NEK10: variants seen among roughly 807,000 people sequenced by gnomAD.
NEK10 encodes serine/threonine-protein kinase Nek10.
Under a neutral mutation model 159.8 loss-of-function variants are expected in NEK10, and 122 were observed. The ratio of observed to expected loss-of-function variants is 0.76; its 90% confidence interval spans 0.66 to 0.89. The LOEUF is 0.89. NEK10 is among the 40% of genes least tolerant of loss of function. The pLI, the probability that NEK10 is intolerant of heterozygous loss-of-function variation, is 0.00. For synonymous variants in NEK10, 466 were observed against 457.1 expected (o/e 1.02, Z -0.25); for missense variants, 1,342 against 1,323.1 (o/e 1.01, Z -0.22).
rs376814008 is a variant in NEK10 at position 27,320,132 on chromosome 3, C to T, written c.447+2045G>A. 8.5e-5 allele frequency among the ~76,000 whole-genome samples: 13 copies of T among 152,202 alleles called. No individual in the cohort carries two copies. The South Asian group carries it at 1.7e-3, about 20-fold the overall frequency. On this transcript the variant is annotated intron_variant, in intron 6 of 35. Coordinates refer to ENST00000691995, the MANE Select transcript of NEK10 (RefSeq NM_001394966.1). ...AGGGAGGACAGACTCGGAGATAATT[C>T]CCTTCTATGGAAAGGCTGGCCAGCA... is the stretch of plus-strand genomic sequence containing the variant.
chr3:27,347,878 G>A (rs566194062), intron 3 of NEK10, among the ~76,000 whole-genome samples: 1 of 152,024 alleles, frequency 6.6e-6, no homozygotes, highest in Non-Finnish European at 1.5e-5. Flanking sequence ...CAATCTCTCT[G>A]TGCATCAGTT....
chr3:27,142,508 TA>T lies in NEK10; in HGVS notation c.2870-927del, dbSNP rs529203992. On this transcript the variant is annotated intron_variant, in intron 30 of 35. Transcript: ENST00000691995. ...AAAACTTCTCTTGCTAATTTCCTTT[TA>T]AAAAAAAAAAAAAGATGAAAGTTCC... Among the ~76,000 whole-genome samples, 1,109 of 142,568 alleles carry T rather than the reference TA, an allele frequency of 7.8e-3. 5 individuals carry two copies. The highest frequency in any genetic ancestry group is 0.015 in the African/African-American group (586 of 39,220). The allele number at this position is 142,568 out of a possible 152,430, so 93.5% of individuals were successfully genotyped here.
intron 32 of NEK10, among the ~76,000 whole-genome samples, chr3:27,129,921 GT>G (rs1224278493): frequency 2.6e-5 from 4 of 150,966 alleles, no homozygotes; most frequent in Non-Finnish European, 4.4e-5. Flanking sequence ...ATTTTTTTCA[GT>G]TTGGTGGTAA....
At chr3:27,223,263 C>G (rs776072151) in intron 23 of NEK10, among the ~76,000 whole-genome samples, 25 of 152,136 alleles carry the variant, frequency 1.6e-4, no homozygotes, top group Admixed American at 9.2e-4. Flanking sequence ...AAACAAGGAT[C>G]GTCAAGTCTC....
In NEK10 at chr3:27,337,030, C is replaced by A. The variant is rs1603052; in HGVS notation, c.362+7242G>T. ...AGAAATAAAAGGCATACACATTTGGCGGGGGGGAAAGGAAGATGTACCTCT... is the reference window on the plus strand; with the variant it reads ...AGAAATAAAAGGCATACACATTTGGAGGGGGGGAAAGGAAGATGTACCTCT... On this transcript the variant is annotated intron_variant, in intron 5 of 35. Coordinates refer to ENST00000691995, the MANE Select transcript of NEK10 (RefSeq NM_001394966.1). Among the ~76,000 whole-genome samples, 7 of 151,430 alleles carry A rather than the reference C, an allele frequency of 4.6e-5. No homozygotes were observed. The East Asian group carries it at 7.8e-4, about 17-fold the overall frequency.
chr3:27,315,885 T>C (rs141620966), intron 6 of NEK10, among the ~76,000 whole-genome samples: 1,721 of 152,288 alleles, frequency 0.011, 15 homozygotes, highest in South Asian at 0.032. Flanking sequence ...AAATGGGGAC[T>C]GGAAGGATGG....
intron 5 of NEK10, among the ~76,000 whole-genome samples, chr3:27,325,236 A>G (rs188715203): frequency 2.2e-4 from 34 of 152,338 alleles, no homozygotes; most frequent in Admixed American, 5.9e-4. Flanking sequence ...CACGTTAACA[A>G]AAGCCTAAAA....
chr3:27,136,257 C>T (rs182770796), intron 31 of NEK10, among the ~76,000 whole-genome samples: 5 of 151,792 alleles, frequency 3.3e-5, no homozygotes, highest in Non-Finnish European at 5.9e-5. Flanking sequence ...GGACTACAGG[C>T]GCCCACCACC....
At chr3:27,345,900 T>C (rs566794320) in intron 4 of NEK10, among the ~76,000 whole-genome samples, 186 bp downstream of exon 4, 76 of 152,342 alleles carry the variant, frequency 5.0e-4, no homozygotes, top group African/African-American at 1.7e-3. Context: ...CCTGTACCCA[T>C]TAAACCTGTT....
intron 5 of NEK10, among the ~76,000 whole-genome samples, chr3:27,340,988 T>C (rs1686091030): frequency 6.6e-6 from 1 of 152,132 alleles, no homozygotes; most frequent in South Asian, 2.1e-4. Context: ...AAATGTAGTA[T>C]ATATATAAAA....
At chr3:27,160,468 G>T (rs1945913978) in intron 30 of NEK10, among the ~76,000 whole-genome samples, 1 of 152,180 alleles carries the variant, frequency 6.6e-6, no homozygotes, top group Non-Finnish European at 1.5e-5. Flanking sequence ...TCATATGAAG[G>T]TTGAGAAAAA....
At chr3:27,115,461 T>TG (rs1465955705) in intron 35 of NEK10, among the ~76,000 whole-genome samples, 2 of 152,134 alleles carry the variant, frequency 1.3e-5, no homozygotes, top group Non-Finnish European at 2.9e-5. Context: ...GGTAAACAAA[T>TG]GGCAACATAC....
chr3:27,243,012 T>C (rs1954717013), intron 23 of NEK10, among the ~76,000 whole-genome samples: 1 of 152,222 alleles, frequency 6.6e-6, no homozygotes, highest in Non-Finnish European at 1.5e-5. Context: ...TGTCACAGTT[T>C]AACAGTTTAT....
chr3:27,187,274 C>T (rs1215314765), intron 26 of NEK10, among the ~76,000 whole-genome samples: 5 of 152,110 alleles, frequency 3.3e-5, no homozygotes, highest in Admixed American at 1.3e-4. Context: ...TACTCTGTTG[C>T]CATCTTCGGA....
At chr3:27,288,158 C>T (rs1252472264) in intron 19 of NEK10, among the ~76,000 whole-genome samples, 1 of 152,168 alleles carries the variant, frequency 6.6e-6, no homozygotes, top group Admixed American at 6.5e-5. Flanking sequence ...CCTCTCTCTA[C>T]CATCTAAATA....
chr3:27,305,156 A>G (rs2044138615), intron 11 of NEK10, among the ~76,000 whole-genome samples, 185 bp from the exon 12 acceptor site: 1 of 152,244 alleles, frequency 6.6e-6, no homozygotes, highest in African/African-American at 2.4e-5. Flanking sequence ...CTAACTGTAC[A>G]ATCTGTGTCA....
chr3:27,364,628 C>A (rs2048931967), intron 1 of NEK10, among the ~76,000 whole-genome samples: 1 of 152,162 alleles, frequency 6.6e-6, no homozygotes, highest in African/African-American at 2.4e-5. Flanking sequence ...TTCAATGTCA[C>A]AAATGGTTTT....
chr3:27,318,919 A>G (rs992964291), intron 6 of NEK10, among the ~76,000 whole-genome samples: 2 of 146,572 alleles, frequency 1.4e-5, no homozygotes, highest in Non-Finnish European at 3.0e-5. Flanking sequence ...GACAATAAAG[A>G]AAAAAAAAAC....
At chr3:27,245,161 G>A (rs1954930914) in intron 23 of NEK10, among the ~76,000 whole-genome samples, 1 of 152,208 alleles carries the variant, frequency 6.6e-6, no homozygotes, top group African/African-American at 2.4e-5. Flanking sequence ...CTAAGGAGAT[G>A]TGGGGCTAAC....
Sources: allele counts gnomAD v4.1 joint callset (sites outside exome capture counted in the v4.1 genomes callset), GRCh38; gene constraint gnomAD v4.1.1; transcripts MANE v1.5; gene names NCBI Gene and HGNC (gene_info 2026-07-23, HGNC 2026-07-21).